Variants in IFT56 observed in about 807,000 individuals in gnomAD.
IFT56 encodes the protein intraflagellar transport protein 56.
At chr7:139,142,104 G>A in the IFT56 span, 3 of 755,864 alleles carry the variant, frequency 4.0e-6, no homozygotes, top group East Asian at 2.6e-5. Context: ...ACTGCAGGTG[G>A]ACACCAGACT....
At chr7:139,139,801 C>G in the IFT56 span, 1 of 789,524 alleles carries the variant, frequency 1.3e-6, no homozygotes, top group Non-Finnish European at 2.1e-6. Flanking sequence ...GTTGCTTAAT[C>G]TCAGTATGAA....
At chr7:139,157,748 C>T in the IFT56 span, among the ~76,000 whole-genome samples, 35 of 152,146 alleles carry the variant, frequency 2.3e-4, no homozygotes, top group African/African-American at 5.8e-4. Context: ...TCAAGCGATC[C>T]GCCTGCCTTG....
At chr7:139,161,539 T>C in the IFT56 span, among the ~76,000 whole-genome samples, 1 of 152,348 alleles carries the variant, frequency 6.6e-6, no homozygotes, top group African/African-American at 2.4e-5. Context: ...TATAGTGAGA[T>C]GCAGAACAGC....
chr7:139,149,870 CATA>C, the IFT56 span, among the ~76,000 whole-genome samples: 1 of 151,882 alleles, frequency 6.6e-6, no homozygotes. Flanking sequence ...ATTTTAATAA[CATA>C]ATTTTATTTA....
chr7:139,140,083 CT>C, the IFT56 span: 1 of 937,830 alleles, frequency 1.1e-6, no homozygotes, highest in Non-Finnish European at 1.5e-6. Context: ...AATTGTATTC[CT>C]TTTTCTCTTG....
At chr7:139,160,663 G>A in the IFT56 span, among the ~76,000 whole-genome samples, 6 of 152,050 alleles carry the variant, frequency 3.9e-5, no homozygotes, top group African/African-American at 1.4e-4. Flanking sequence ...GTCTCGATCT[G>A]TTGACTTTGT....
At chr7:139,185,529 CATAAT>C in the IFT56 span, among the ~76,000 whole-genome samples, 1 of 151,980 alleles carries the variant, frequency 6.6e-6, no homozygotes, top group Non-Finnish European at 1.5e-5. Flanking sequence ...AGGTACAAGA[CATAAT>C]AGAATATTTA....
chr7:139,134,546 G>C, the IFT56 span: 205 of 1,260,636 alleles, frequency 1.6e-4, 1 homozygote, highest in Middle Eastern at 1.4e-3. Context: ...GGGATTACAG[G>C]CATGAGCCAC....
the IFT56 span, among the ~76,000 whole-genome samples, chr7:139,139,328 G>C: frequency 6.6e-6 from 1 of 152,170 alleles, no homozygotes; most frequent in Non-Finnish European, 1.5e-5. Flanking sequence ...CAACCCACTT[G>C]TAGTAAGAAA....
chr7:139,169,455 C>T, the IFT56 span: 6 of 1,043,282 alleles, frequency 5.8e-6, no homozygotes, highest in Non-Finnish European at 8.7e-6. Context: ...TATTAGGCTT[C>T]ACATTATAAA....
the IFT56 span, chr7:139,173,724 C>CAT: frequency 1.3e-6 from 1 of 769,670 alleles, no homozygotes; most frequent in South Asian, 1.3e-5. Flanking sequence ...GCTGAAAAGG[C>CAT]TGCATTGAGA....
chr7:139,137,124 C>A, the IFT56 span, among the ~76,000 whole-genome samples: 1 of 151,936 alleles, frequency 6.6e-6, no homozygotes, highest in Non-Finnish European at 1.5e-5. Context: ...GATTTATCAC[C>A]CTGTAGAGTG....
the IFT56 span, among the ~76,000 whole-genome samples, chr7:139,185,553 G>A: frequency 1.8e-4 from 28 of 152,082 alleles, no homozygotes; most frequent in East Asian, 5.8e-4. Context: ...TACAGTATTC[G>A]TTCATATAAA....
chr7:139,134,535 T>C, the IFT56 span: 1 of 1,143,784 alleles, frequency 8.7e-7, no homozygotes, highest in Non-Finnish European at 1.2e-6. Flanking sequence ...CTCAAAGTGC[T>C]GGGATTACAG....
chr7:139,139,297 G>A, the IFT56 span, among the ~76,000 whole-genome samples: 2 of 152,176 alleles, frequency 1.3e-5, no homozygotes, highest in Non-Finnish European at 2.9e-5. Context: ...ATTCGTAAAA[G>A]GCATAGGAGG....
chr7:139,146,558 G>C, the IFT56 span, among the ~76,000 whole-genome samples: 2 of 152,206 alleles, frequency 1.3e-5, no homozygotes, highest in Admixed American at 1.3e-4. Flanking sequence ...ACGACGTCAG[G>C]AGTTCAAGAC....
chr7:139,145,615 C>G, the IFT56 span, among the ~76,000 whole-genome samples: 1 of 151,922 alleles, frequency 6.6e-6, no homozygotes, highest in Non-Finnish European at 1.5e-5. Flanking sequence ...AGGGTATTAC[C>G]ATGTTGCCCA....
the IFT56 span, among the ~76,000 whole-genome samples, chr7:139,149,080 C>T: frequency 4.7e-4 from 72 of 151,782 alleles, no homozygotes; most frequent in Middle Eastern, 3.4e-3. Flanking sequence ...CTGAGGCAGG[C>T]GGATCACAAG....
At chr7:139,161,132 T>C in the IFT56 span, 1 of 941,852 alleles carries the variant, frequency 1.1e-6, no homozygotes. Context: ...AATGCTTTAC[T>C]CCAAGGGAAC....
Sources: allele counts gnomAD v4.1 joint callset (sites outside exome capture counted in the v4.1 genomes callset), GRCh38; gene constraint gnomAD v4.1.1; transcripts MANE v1.5; gene names NCBI Gene and HGNC (gene_info 2026-07-23, HGNC 2026-07-21).